The following CDON variants were observed in gnomAD, a reference collection of about 807,000 sequenced individuals.
CDON encodes cell adhesion molecule-related/down-regulated by oncogenes.
Under a neutral mutation model 120.9 loss-of-function variants are expected in CDON, and 73 were observed. The observed-to-expected ratio is 0.60, with a 90% CI of 0.50 to 0.73. The LOEUF (loss-of-function observed/expected upper bound fraction) is 0.73, where lower values mean the gene tolerates loss of function less well. Among genes scored for constraint, CDON ranks in the 30% least tolerant of loss-of-function variants. CDON has a pLI of 0.00. For missense variants in CDON, 1,470 were observed against 1,587.3 expected, an observed-to-expected ratio of 0.93 and a Z score of 1.26; for synonymous variants, 566 against 573.5, an observed-to-expected ratio of 0.99 and a Z score of 0.19.
At position 126,019,652 on chromosome 11, in the gene CDON, T is replaced by C. The variant is rs1947575921; in HGVS notation, c.463A>G (p.Lys155Glu). The C allele has an allele frequency of 1.2e-6, 2 of 1,614,192 alleles. No individual in the cohort carries two copies. Among genetic ancestry groups the C allele is most frequent in the East Asian group, 4.5e-5 (2 of 44,880 alleles). Residue 155 changes from lysine to glutamate, a missense_variant, in exon 4 of 20, where the codon AAA becomes GAA. Transcript: ENST00000531738. ...ESNPKAEVRY[K>E]IRGKWLEHST... The stretch of plus-strand genomic sequence containing the variant: ...TGTTCCAGCCATTTTCCCCGGATTT[T>C]ATAGCGCACCTCAGCTTTGGGGTTA...
At chr11:125,972,187 A>G (rs1472349623) in intron 18 of CDON, among the ~76,000 whole-genome samples, 1 of 152,188 alleles carries the variant, frequency 6.6e-6, no homozygotes, top group Non-Finnish European at 1.5e-5. Flanking sequence ...GAACATTGGG[A>G]GGCCGAGGCG....
At chr11:126,025,460 A>G (rs889176244) in intron 1 of CDON, among the ~76,000 whole-genome samples, 4 of 152,194 alleles carry the variant, frequency 2.6e-5, no homozygotes, top group African/African-American at 9.6e-5. Flanking sequence ...GTTCTGCTAT[A>G]CAAAGGCAGC....
At chr11:125,961,335 C>T (rs1446536839) in intron 19 of CDON, among the ~76,000 whole-genome samples, 1 of 152,140 alleles carries the variant, frequency 6.6e-6, no homozygotes, top group African/African-American at 2.4e-5. Context: ...AAAGCAACCC[C>T]TTAAAAGCCC....
chr11:125,968,826 G>A (rs1461466630), intron 18 of CDON, among the ~76,000 whole-genome samples: 3 of 152,116 alleles, frequency 2.0e-5, no homozygotes, highest in African/African-American at 4.8e-5. Context: ...CTAACCAAAT[G>A]TAAATGATTC....
Position 126,007,860 on chromosome 11 carries a change from C to T in CDON, c.1553-1803G>A, listed in dbSNP as rs138287775. On this transcript the variant is annotated intron_variant, in intron 8 of 19. Transcript: ENST00000531738. ...TGAAAAGACCTTACCAGTACTTCCCCGGTGTTTTTGCATGTATTATCTCAA... is the reference window on the plus strand; with the variant it reads ...TGAAAAGACCTTACCAGTACTTCCCTGGTGTTTTTGCATGTATTATCTCAA... Among the ~76,000 whole-genome samples the T allele has an allele frequency of 1.9e-4, 29 of 152,282 alleles. 1 individual carries two copies. Among genetic ancestry groups the T allele is most frequent in the African/African-American group, 3.1e-4 (13 of 41,556 alleles).
chr11:126,014,986 G>A lies in CDON; in HGVS notation c.1198+255C>T, dbSNP rs1591387649. 9 of 501,124 alleles carry A rather than the reference G, an allele frequency of 1.8e-5. No individual in the cohort carries two copies. The East Asian group carries it at 3.4e-4, about 19-fold the overall frequency. The allele number at this position is 501,124 out of a possible 1,614,324, so 31.0% of individuals were successfully genotyped here. A position where few individuals can be genotyped will look rare whatever the true frequency, so the allele number is the denominator to read the frequency against. On this transcript the variant is annotated intron_variant, in intron 7 of 19. Coordinates refer to ENST00000531738, the MANE Select transcript of CDON (RefSeq NM_001378964.1). ...AGGGAATAAGAGTAAGAGAGAGATTGTACCATATAGATTTTTAAAGTAGGC... is the reference window on the plus strand; with the variant it reads ...AGGGAATAAGAGTAAGAGAGAGATTATACCATATAGATTTTTAAAGTAGGC...
In CDON at chr11:126,020,991, G is replaced by GA. The variant is rs5795473; in HGVS notation, c.349+256dup. Among the ~76,000 whole-genome samples the GA allele has an allele frequency of 0.64, 93,981 of 147,664 alleles. 30,020 individuals are homozygous for GA. Among genetic ancestry groups the GA allele is most frequent in the African/African-American group, 0.74 (29,830 of 40,322 alleles). ...CTGGCAAAGCTGCAGAGATTATAAA[G>GA]AAAAAAAAAAAACTGTCCTAACTGC... is the stretch of plus-strand genomic sequence containing the variant. On this transcript the variant is annotated intron_variant, in intron 3 of 19. Transcript: ENST00000531738.
At chr11:125,981,418 A>G (rs891232945) in intron 16 of CDON, 89 bp from the exon 17 acceptor site, 26 of 1,362,286 alleles carry the variant, frequency 1.9e-5, no homozygotes, top group Middle Eastern at 2.0e-4. Context: ...ACACATGCAC[A>G]TACGCACACA....
Position 125,975,147 on chromosome 11 carries a change from G to A in CDON, c.3356+3157C>T, listed in dbSNP as rs572834760. ...ACCCCAGTGTTTCTCAACATTTAAC[G>A]CATATCCCCTTTTGATTAATATAAA... On this transcript the variant is annotated intron_variant, in intron 18 of 19. Coordinates refer to ENST00000531738, the MANE Select transcript of CDON (RefSeq NM_001378964.1). 1.4e-4 allele frequency among the ~76,000 whole-genome samples: 21 copies of A among 152,258 alleles called. 1 individual carries two copies. In the South Asian group the frequency reaches 2.9e-3, roughly 21 times the overall value.
chr11:126,048,282 C>CAAAAAAAAAAAA (rs1239820423), intron 1 of CDON, among the ~76,000 whole-genome samples: 1 of 119,506 alleles, frequency 8.4e-6, no homozygotes. Flanking sequence ...GACTCTGTCT[C>CAAAAAAAAAAAA]AAAAAAAAAA....
At position 125,958,178 on chromosome 11, in the gene CDON, CT is replaced by C. The variant is rs543156533; in HGVS notation, c.*2763del. 60 of 152,292 alleles carry C rather than the reference CT, an allele frequency of 3.9e-4. No individual in the cohort carries two copies. Among genetic ancestry groups the C allele is most frequent in the African/African-American group, 1.3e-3 (55 of 41,568 alleles). The allele number at this position is 152,292 out of a possible 1,614,324, so 9.4% of individuals were successfully genotyped here. ...ATAGATCACAGCATACGGAACGGGA[CT>C]GGTTCCATCCAAAGAGTGAACCACA... On this transcript the variant is annotated 3_prime_UTR_variant, in exon 20 of 20. Transcript: ENST00000531738.
chr11:125,983,598 C>T (rs1230277076), intron 16 of CDON, among the ~76,000 whole-genome samples: 2 of 152,126 alleles, frequency 1.3e-5, no homozygotes, highest in Non-Finnish European at 2.9e-5. Flanking sequence ...CCAACAAAGC[C>T]GGAGTTTCCC....
chr11:126,000,734 T>C (rs979127637), intron 11 of CDON, among the ~76,000 whole-genome samples: 2 of 152,192 alleles, frequency 1.3e-5, no homozygotes, highest in African/African-American at 2.4e-5. Flanking sequence ...TTCATGATAT[T>C]GAAGATACAG....
At chr11:126,013,111 A>T (rs141260654) in intron 7 of CDON, among the ~76,000 whole-genome samples, 1 of 152,244 alleles carries the variant, frequency 6.6e-6, no homozygotes, top group Non-Finnish European at 1.5e-5. Context: ...CTAGTGAGAT[A>T]ATCATACTGT....
At position 126,017,290 on chromosome 11, in the gene CDON, C is replaced by T. The variant is rs142667570; in HGVS notation, c.726G>A (p.Glu242=). ...AVLSRSPVTL[E]CVVSGVPAPQ... Reference sequence around the variant, plus strand: ...GAGCCGGGACCCCACTCACCACACACTCCAAGGTTACAGGGCTACGAGAAA... The same window carrying T: ...GAGCCGGGACCCCACTCACCACACATTCCAAGGTTACAGGGCTACGAGAAA... Residue 242 remains glutamate, a synonymous_variant, in exon 6 of 20, where the codon GAG becomes GAA. Coordinates refer to ENST00000531738, the MANE Select transcript of CDON (RefSeq NM_001378964.1). 8.1e-5 allele frequency: 131 copies of T among 1,614,138 alleles called. No homozygotes were observed. In the African/African-American group the frequency reaches 1.2e-3, roughly 14 times the overall value.
Position 125,960,713 on chromosome 11 carries a change from G to T in CDON, c.*229C>A. On this transcript the variant is annotated 3_prime_UTR_variant, in exon 20 of 20. Transcript: ENST00000531738. ...GGTGACTGAATACTATGCAAAACAAGGTTGTTTCCTACCGAGGGGGAGGAA... is the reference window on the plus strand; with the variant it reads ...GGTGACTGAATACTATGCAAAACAATGTTGTTTCCTACCGAGGGGGAGGAA... The T allele has an allele frequency of 1.8e-6, 1 of 544,750 alleles. No homozygotes were observed. The highest frequency in any genetic ancestry group is 3.3e-6 in the Non-Finnish European group (1 of 302,964). The allele number at this position is 544,750 out of a possible 1,614,324, so 33.7% of individuals were successfully genotyped here.
At chr11:125,990,458 A>G (rs1376111249) in intron 14 of CDON, among the ~76,000 whole-genome samples, 2 of 152,174 alleles carry the variant, frequency 1.3e-5, no homozygotes, top group African/African-American at 4.8e-5. Context: ...CCTAAACTGA[A>G]CACTCCAGTA....
chr11:126,000,445 C>G (rs375567817), intron 11 of CDON, among the ~76,000 whole-genome samples: 3 of 152,156 alleles, frequency 2.0e-5, no homozygotes, highest in African/African-American at 7.2e-5. Context: ...TGGACTCAAG[C>G]GATCCTCCTG....
Position 125,978,328 on chromosome 11 carries a change from C to T in CDON, c.3332G>A (p.Cys1111Tyr), listed in dbSNP as rs541603575. The change falls in exon 18 of 20, where the codon TGC becomes TAC. Residue 1111 changes from cysteine (C) to tyrosine (Y), a missense_variant. Cys to Tyr is a radical substitution (Grantham distance 194). Transcript: ENST00000531738. ...CCTATTGTTGTTTCGACAATTTCGG[C>T]AGTTAACACACTCCAGAGGGTCAAT... ...PQIDPLECVNCRNCRNNNRCF... is the reference protein window; with the variant it reads ...PQIDPLECVNYRNCRNNNRCF... 55 of 1,607,584 alleles carry T rather than the reference C, an allele frequency of 3.4e-5. 1 individual carries two copies. The South Asian group carries it at 5.9e-4, about 17-fold the overall frequency.
Sources: allele counts gnomAD v4.1 joint callset (sites outside exome capture counted in the v4.1 genomes callset), GRCh38; gene constraint gnomAD v4.1.1; transcripts MANE v1.5; gene names NCBI Gene and HGNC (gene_info 2026-07-23, HGNC 2026-07-21).